The following DENND4A variants were observed in gnomAD, a reference collection of about 807,000 sequenced individuals.
DENND4A encodes DENN domain containing 4A.
A neutral mutation model predicts 199.3 loss-of-function variants in DENND4A; 70 were observed. The observed-to-expected ratio is 0.35, with a 90% CI of 0.29 to 0.43. The LOEUF (loss-of-function observed/expected upper bound fraction) is 0.43. Ranked by LOEUF, DENND4A falls within the 20% of genes least tolerant of loss-of-function variation. The probability of loss-of-function intolerance (pLI) is 1.00; values close to 1 mark genes in which losing one functional copy is unlikely to be tolerated. For missense variants in DENND4A, 1,723 were observed against 2,255.8 expected (o/e 0.76, Z 4.78); for synonymous variants, 686 against 766.9 (o/e 0.89, Z 1.74).
intron 1 of DENND4A, among the ~76,000 whole-genome samples, chr15:65,773,150 T>C (rs2077186348): frequency 6.6e-6 from 1 of 152,200 alleles, no homozygotes; most frequent in South Asian, 2.1e-4. Context: ...GGTCTAGCCC[T>C]GAGGTTTGTT....
At position 65,756,250 on chromosome 15, in the gene DENND4A, A is replaced by T. The variant is rs371574354; in HGVS notation, c.201T>A (p.Asp67Glu). 2.9e-5 allele frequency: 47 copies of T among 1,612,764 alleles called. No individual in the cohort carries two copies. Among genetic ancestry groups the T allele is most frequent in the Non-Finnish European group, 3.8e-5 (45 of 1,179,352 alleles). ...EEVPQDYICI[D>E]VTPTGLSADL... ...CAGCTGACAATCCAGTTGGGGTAAC[A>T]TCAATACAGATATAATCCTGTGGGA... Residue 67 changes from aspartate to glutamate, a missense_variant, in exon 3 of 33, where the codon GAT becomes GAA. By Grantham distance (45) the Asp-to-Glu change is conservative. Around this residue, in one of 6 missense-constraint regions of DENND4A, gnomAD observed 725 missense variants for 952.9 expected, o/e 0.76. Coordinates refer to ENST00000443035, the MANE Select transcript of DENND4A (RefSeq NM_001320835.1).
At chr15:65,772,227 G>T in intron 1 of DENND4A, 1 of 583,774 alleles carries the variant, frequency 1.7e-6, no homozygotes, top group Non-Finnish European at 3.1e-6. Flanking sequence ...CTAGAGACAG[G>T]AAATCATGAC....
chr15:65,696,380 G>A lies in DENND4A; in HGVS notation c.3068C>T (p.Ser1023Leu), dbSNP rs765292883. The change falls in exon 22 of 33, where the codon TCA becomes TTA. Residue 1023 changes from serine (S) to leucine (L), a missense_variant. This residue lies in a region of DENND4A where 650 missense variants were observed against 738.1 expected (regional missense o/e 0.88). Transcript: ENST00000443035. ...GTSNNSAGKI[S>L]GESMESTPEL... ...ATTCAACTTACCCATGCTTTCTCCT[G>A]ATATTTTACCAGCACTGTTGTTACT... 16 of 1,611,736 alleles carry A rather than the reference G, an allele frequency of 9.9e-6. No homozygotes were observed. The highest frequency in any genetic ancestry group is 1.3e-5 in the Non-Finnish European group (15 of 1,178,568).
chr15:65,732,488 GA>G (rs2075988015), intron 8 of DENND4A, among the ~76,000 whole-genome samples: 1 of 152,042 alleles, frequency 6.6e-6, no homozygotes, highest in African/African-American at 2.4e-5. Flanking sequence ...AAATTTAGGG[GA>G]AAAAAGTTCC....
At chr15:65,749,006 A>C (rs1055299863) in intron 4 of DENND4A, among the ~76,000 whole-genome samples, 1 of 151,770 alleles carries the variant, frequency 6.6e-6, no homozygotes, top group Non-Finnish European at 1.5e-5. Flanking sequence ...AAAAAAAAAA[A>C]CAAAAAGAAA....
intron 4 of DENND4A, among the ~76,000 whole-genome samples, chr15:65,743,622 C>T (rs2076313790): frequency 6.6e-6 from 1 of 152,134 alleles, no homozygotes. Flanking sequence ...AATTTATTAT[C>T]ATCTATTTTC....
At chr15:65,715,659 A>G (rs1282136057) in intron 13 of DENND4A, 36 bp from the exon 14 acceptor site, 4 of 1,501,442 alleles carry the variant, frequency 2.7e-6, no homozygotes, top group Admixed American at 2.5e-5. Flanking sequence ...AGAATACATA[A>G]TATCATTCAT....
At chr15:65,727,908 C>A in intron 11 of DENND4A, 3 of 301,374 alleles carry the variant, frequency 1.0e-5, no homozygotes, top group South Asian at 6.0e-5. Context: ...AAAACCCTTG[C>A]ATCCCTAGGG....
intron 1 of DENND4A, among the ~76,000 whole-genome samples, chr15:65,784,161 G>A (rs1321586743): frequency 1.3e-5 from 2 of 151,904 alleles, no homozygotes; most frequent in Non-Finnish European, 2.9e-5. Context: ...CCAAACTGAG[G>A]GACATTCTAC....
At position 65,691,418 on chromosome 15, in the gene DENND4A, C is replaced by T. The variant is rs1567010791; in HGVS notation, c.3176G>A (p.Ser1059Asn). Residue 1059 changes from serine (S) to asparagine (N), a missense_variant, in exon 23 of 33, where the codon AGT becomes AAT. Coordinates refer to ENST00000443035, the MANE Select transcript of DENND4A (RefSeq NM_001320835.1). Reference protein sequence around the residue: ...QSRCFRKRHKSDNETNLQQQV... With the variant: ...QSRCFRKRHKNDNETNLQQQV... ...CTGCTGCAAATTAGTTTCATTGTCA[C>T]TTTTATGTCTTTTCCTGAAGCATCT... The T allele has an allele frequency of 1.2e-6, 2 of 1,613,336 alleles. No homozygotes were observed. The highest frequency in any genetic ancestry group is 1.3e-5 in the African/African-American group (1 of 74,880).
intron 4 of DENND4A, among the ~76,000 whole-genome samples, chr15:65,744,687 T>C (rs574160489): frequency 1.3e-5 from 2 of 152,176 alleles, no homozygotes; most frequent in Non-Finnish European, 1.5e-5. Context: ...TAAGTAAACA[T>C]TAGTGGGTAG....
At position 65,659,354 on chromosome 15, in the gene DENND4A, G is replaced by C. The variant is rs1596368028; in HGVS notation, c.*2497C>G. 1.8e-5 allele frequency: 1 copy of C among 55,724 alleles called. No homozygotes were observed. The highest frequency in any genetic ancestry group is 3.5e-5 in the Non-Finnish European group (1 of 28,438). The allele number at this position is 55,724 out of a possible 1,614,324, so 3.5% of individuals were successfully genotyped here. ...TTTTTTTTTTTTTTTTTTTTTTTGA[G>C]ACAGGGTCTTGCTCTGTAATCCAGG... On this transcript the variant is annotated 3_prime_UTR_variant, in exon 33 of 33. Coordinates refer to ENST00000443035, the MANE Select transcript of DENND4A (RefSeq NM_001320835.1).
chr15:65,707,684 T>A (rs2142267416), intron 14 of DENND4A, among the ~76,000 whole-genome samples: 1 of 151,486 alleles, frequency 6.6e-6, no homozygotes, highest in African/African-American at 2.4e-5. Flanking sequence ...CGTATACATA[T>A]TATGATTTTT....
In DENND4A at chr15:65,661,955, C is replaced by T. The variant is rs754827757; in HGVS notation, c.5620G>A (p.Asp1874Asn). The change falls in exon 33 of 33, where the codon GAT becomes AAT. Residue 1874 changes from aspartate to asparagine, a missense_variant. Asp to Asn is a conservative substitution (Grantham distance 23). This residue lies in a region of DENND4A where 164 missense variants were observed against 280.1 expected (regional missense o/e 0.59). Transcript: ENST00000443035. ...TTGACTTGACTAGGTGTGAGACGAT[C>T]GTATGCCATCTTGTACTCTTTATCA... ...AFDKEYKMAYDRLTPSQVKST... is the reference protein window; with the variant it reads ...AFDKEYKMAYNRLTPSQVKST... 12 of 1,612,756 alleles carry T rather than the reference C, an allele frequency of 7.4e-6. No individual in the cohort carries two copies. Among genetic ancestry groups the T allele is most frequent in the South Asian group, 4.4e-5 (4 of 90,812 alleles).
chr15:65,756,427 A>T lies in DENND4A; in HGVS notation c.24T>A (p.Arg8=), dbSNP rs1333494726. MIEDKGP[R]VADYFVVAGL... ...CTGCTACAACAAAGTAGTCAGCAAC[A>T]CGAGGCCCCTTGTCTTCAATCATCT... Residue 8 remains arginine, a synonymous_variant, in exon 3 of 33, where the codon CGT becomes CGA. Transcript: ENST00000443035. The T allele has an allele frequency of 1.3e-5, 21 of 1,610,528 alleles. No homozygotes were observed. The highest frequency in any genetic ancestry group is 1.6e-5 in the Non-Finnish European group (19 of 1,178,634).
intron 1 of DENND4A, among the ~76,000 whole-genome samples, chr15:65,772,454 A>G (rs1468683755): frequency 6.6e-6 from 1 of 152,116 alleles, no homozygotes; most frequent in Non-Finnish European, 1.5e-5. Flanking sequence ...CACACCTGTA[A>G]TCCCAGCACT....
At chr15:65,788,591 C>A (rs999881827) in intron 1 of DENND4A, among the ~76,000 whole-genome samples, 1 of 151,990 alleles carries the variant, frequency 6.6e-6, no homozygotes, top group Non-Finnish European at 1.5e-5. Context: ...TAATAACCGG[C>A]CAGGTGCAGT....
At position 65,750,171 on chromosome 15, in the gene DENND4A, T is replaced by C. The variant is rs2076524398; in HGVS notation, c.561+2208A>G. Among the ~76,000 whole-genome samples the C allele has an allele frequency of 1.3e-5, 2 of 152,186 alleles. 1 individual carries two copies. Among genetic ancestry groups the C allele is most frequent in the South Asian group, 4.1e-4 (2 of 4,832 alleles). Reference sequence around the variant, plus strand: ...CAATCATAAAAAAAGAATGAAATCATGTCTTGTGCAGCAACGTGGATGCAG... The same window carrying C: ...CAATCATAAAAAAAGAATGAAATCACGTCTTGTGCAGCAACGTGGATGCAG... On this transcript the variant is annotated intron_variant, in intron 4 of 32. Coordinates refer to ENST00000443035, the MANE Select transcript of DENND4A (RefSeq NM_001320835.1).
intron 1 of DENND4A, among the ~76,000 whole-genome samples, chr15:65,784,061 T>C (rs1403319226): frequency 2.0e-5 from 3 of 152,096 alleles, no homozygotes; most frequent in Admixed American, 6.6e-5. Context: ...CCCCTTGATA[T>C]GATGCAATGA....
Sources: allele counts gnomAD v4.1 joint callset (sites outside exome capture counted in the v4.1 genomes callset), GRCh38; gene constraint gnomAD v4.1.1; regional missense constraint gnomAD v4.1.1; transcripts MANE v1.5; gene names NCBI Gene and HGNC (gene_info 2026-07-23, HGNC 2026-07-21).